ITPR2: variants seen among roughly 807,000 people sequenced by gnomAD.
The protein encoded by ITPR2 is inositol 1,4,5-trisphosphate receptor type 2, also known as inositol 1,4,5-trisphosphate-gated calcium channel ITPR2.
In ITPR2, 207 loss-of-function variants were observed where a neutral mutation model predicts 317.1. That is an observed-to-expected ratio of 0.65 (90% CI 0.58 to 0.73). The LOEUF (loss-of-function observed/expected upper bound fraction) is 0.73. Ranked by LOEUF, ITPR2 falls within the 30% of genes least tolerant of loss-of-function variation. ITPR2 has a pLI of 0.00. For synonymous variants in ITPR2, 1,156 were observed against 1,149.1 expected (o/e 1.01, Z -0.12); for missense variants, 2,613 against 3,284.0 (o/e 0.80, Z 4.99).
At chr12:26,641,202 C>T (rs1325588199) in intron 21 of ITPR2, among the ~76,000 whole-genome samples, 1 of 151,584 alleles carries the variant, frequency 6.6e-6, no homozygotes, top group Non-Finnish European at 1.5e-5. Context: ...CTGAGACAAG[C>T]CAAACAACCA....
chr12:26,663,933 A>G, intron 14 of ITPR2, 87 bp from the exon 15 acceptor site: 1 of 1,204,688 alleles, frequency 8.3e-7, no homozygotes, highest in Non-Finnish European at 1.2e-6. Context: ...ATTGATTCAA[A>G]AAACACTTAT....
intron 52 of ITPR2, among the ~76,000 whole-genome samples, chr12:26,408,149 G>A (rs1009226850): frequency 1.3e-5 from 2 of 152,088 alleles, no homozygotes; most frequent in Admixed American, 6.6e-5. Flanking sequence ...TTCCCTTACT[G>A]TAAGTTCTAT....
intron 9 of ITPR2, among the ~76,000 whole-genome samples, chr12:26,700,022 A>G (rs1470511789): frequency 1.3e-5 from 2 of 152,252 alleles, no homozygotes; most frequent in African/African-American, 2.4e-5. Flanking sequence ...ATTGCGGCAT[A>G]TGGTATTTTA....
At chr12:26,636,079 G>T (rs1002256051) in intron 21 of ITPR2, among the ~76,000 whole-genome samples, 4 of 152,216 alleles carry the variant, frequency 2.6e-5, no homozygotes, top group Non-Finnish European at 4.4e-5. Flanking sequence ...GTTCTACGTA[G>T]TACATACATG....
intron 52 of ITPR2, among the ~76,000 whole-genome samples, chr12:26,410,272 C>G (rs1940500763): frequency 6.6e-6 from 1 of 152,124 alleles, no homozygotes; most frequent in Admixed American, 6.6e-5. Flanking sequence ...GAGCAGGCGG[C>G]AGGGGAGAGA....
At chr12:26,812,926 T>C (rs1173993024) in intron 1 of ITPR2, among the ~76,000 whole-genome samples, 11 of 152,230 alleles carry the variant, frequency 7.2e-5, no homozygotes, top group African/African-American at 2.7e-4. Context: ...TTTGATTTTC[T>C]AGATAGTCAT....
At position 26,387,578 on chromosome 12, in the gene ITPR2, C is replaced by T. The variant is rs201344720; in HGVS notation, c.7713G>A (p.Lys2571=). The change falls in exon 55 of 57, where the codon AAG becomes AAA. Residue 2571 remains lysine, a synonymous_variant. Coordinates refer to ENST00000381340, the MANE Select transcript of ITPR2 (RefSeq NM_002223.4). ...CAAATGAAACCGTTTTATTATCAAA[C>T]TTGTCTCTCTCAAGTCCTGAAAAAC... The part of the protein sequence containing the change: ...TCFICGLERD[K]FDNKTVSFEE... The T allele has an allele frequency of 9.3e-6, 15 of 1,613,354 alleles. No individual in the cohort carries two copies. Among genetic ancestry groups the T allele is most frequent in the Non-Finnish European group, 1.2e-5 (14 of 1,179,684 alleles).
intron 55 of ITPR2, among the ~76,000 whole-genome samples, chr12:26,347,693 T>A (rs1311901767): frequency 2.0e-5 from 3 of 152,196 alleles, no homozygotes; most frequent in Admixed American, 6.5e-5. Context: ...CTACAGTGAA[T>A]CTCCAAACAG....
rs1431329720 is a variant in ITPR2 at position 26,338,201 on chromosome 12, C to T, written c.*1196G>A. ...CTCTGCTATTCCAAATGTGTAGTCTCTAAGAATAACCTGAACACACCAGGT... is the reference window on the plus strand; with the variant it reads ...CTCTGCTATTCCAAATGTGTAGTCTTTAAGAATAACCTGAACACACCAGGT... On this transcript the variant is annotated 3_prime_UTR_variant, in exon 57 of 57. Transcript: ENST00000381340. 2.0e-5 allele frequency: 3 copies of T among 152,416 alleles called. No homozygotes were observed. The highest frequency in any genetic ancestry group is 7.3e-5 in the African/African-American group (3 of 41,370). 9.4% of individuals were successfully genotyped at this position (152,416 alleles called of 1,614,324 possible).
In ITPR2 at chr12:26,801,811, T is replaced by C. The variant is rs1240783803; in HGVS notation, c.93-11584A>G. 5.3e-5 allele frequency among the ~76,000 whole-genome samples: 8 copies of C among 152,118 alleles called. No individual in the cohort carries two copies. In the East Asian group the frequency reaches 1.3e-3, roughly 26 times the overall value. On this transcript the variant is annotated intron_variant, in intron 1 of 56. Coordinates refer to ENST00000381340, the MANE Select transcript of ITPR2 (RefSeq NM_002223.4). ...ACTGTATAACTTTGGACAAATTGTT[T>C]AAACTCTGGGCCTCAGCATTCTCAT...
intron 13 of ITPR2, 34 bp from the exon 14 acceptor site, chr12:26,666,085 A>C: frequency 6.3e-7 from 1 of 1,589,610 alleles, no homozygotes; most frequent in Non-Finnish European, 8.6e-7. Context: ...TTTACTTTAC[A>C]GTGTGCTTAA....
intron 51 of ITPR2, among the ~76,000 whole-genome samples, chr12:26,412,692 G>C (rs760759245): frequency 1.3e-5 from 2 of 152,122 alleles, no homozygotes; most frequent in African/African-American, 4.8e-5. Context: ...AACCCAGAAA[G>C]CTTTTTGGAA....
rs1261278103 is a variant in ITPR2 at position 26,481,536 on chromosome 12, C to A, written c.6013-295G>T. Among the ~76,000 whole-genome samples, 4 of 152,178 alleles carry A rather than the reference C, an allele frequency of 2.6e-5. No individual in the cohort carries two copies. In the East Asian group the frequency reaches 7.7e-4, roughly 29 times the overall value. On this transcript the variant is annotated intron_variant, in intron 42 of 56. Transcript: ENST00000381340. ...AATACTGGTTAAGTTAAATATCCTT[C>A]CATTCAATAAACTTTAATATACCAA...
At chr12:26,382,859 T>C (rs980973290) in intron 55 of ITPR2, among the ~76,000 whole-genome samples, 5 of 152,228 alleles carry the variant, frequency 3.3e-5, no homozygotes, top group African/African-American at 1.2e-4. Flanking sequence ...ATCTGTCCCC[T>C]CCAAACTTCA....
intron 13 of ITPR2, among the ~76,000 whole-genome samples, chr12:26,672,915 C>A (rs891386481): frequency 3.9e-4 from 59 of 152,212 alleles, no homozygotes; most frequent in African/African-American, 1.4e-3. Flanking sequence ...GAGATTACTA[C>A]AAACACCTCT....
chr12:26,771,771 C>G (rs2137151848), intron 2 of ITPR2, among the ~76,000 whole-genome samples: 1 of 152,208 alleles, frequency 6.6e-6, no homozygotes, highest in South Asian at 2.1e-4. Flanking sequence ...TCTTGGCCTC[C>G]CAAAGTGCTG....
intron 2 of ITPR2, among the ~76,000 whole-genome samples, chr12:26,783,645 T>A (rs1950135894): frequency 6.6e-6 from 1 of 152,060 alleles, no homozygotes; most frequent in Non-Finnish European, 1.5e-5. Context: ...ATAACTGCCT[T>A]TATTAAAGGG....
At chr12:26,759,888 C>T (rs1318387969) in intron 2 of ITPR2, among the ~76,000 whole-genome samples, 1 of 152,158 alleles carries the variant, frequency 6.6e-6, no homozygotes, top group Non-Finnish European at 1.5e-5. Flanking sequence ...TTAAAAACAA[C>T]TCTCAGCATT....
chr12:26,681,810 AT>A, intron 13 of ITPR2, 63 bp downstream of exon 13: 1 of 1,188,770 alleles, frequency 8.4e-7, no homozygotes, highest in Non-Finnish European at 1.2e-6. Context: ...ATTCATTCAT[AT>A]CAGGCTTACT....
Sources: allele counts gnomAD v4.1 joint callset (sites outside exome capture counted in the v4.1 genomes callset), GRCh38; gene constraint gnomAD v4.1.1; transcripts MANE v1.5; gene names NCBI Gene and HGNC (gene_info 2026-07-23, HGNC 2026-07-21).